Variants in MBOAT7 observed in about 807,000 individuals in gnomAD.
MBOAT7 encodes the protein membrane-bound acylglycerophosphatidylinositol O-acyltransferase MBOAT7.
In MBOAT7, 40 loss-of-function variants were observed where a neutral mutation model predicts 47.4. That is an observed-to-expected ratio of 0.84 (90% CI 0.66 to 1.10). The LOEUF (loss-of-function observed/expected upper bound fraction) is 1.10. Among genes scored for constraint, MBOAT7 ranks in the 50% least tolerant of loss-of-function variants. The pLI, the probability that MBOAT7 is intolerant of heterozygous loss-of-function variation, is 0.00. For missense variants in MBOAT7, 680 were observed against 655.6 expected, an observed-to-expected ratio of 1.04 and a Z score of -0.41; for synonymous variants, 361 against 292.0, an observed-to-expected ratio of 1.24 and a Z score of -2.41.
At chr19:54,175,970 G>A (rs919004639) in intron 7 of MBOAT7, among the ~76,000 whole-genome samples, 5 of 152,058 alleles carry the variant, frequency 3.3e-5, no homozygotes, top group African/African-American at 7.2e-5. Context: ...TGATCCACCC[G>A]CCGTGGCCTA....
intron 7 of MBOAT7, among the ~76,000 whole-genome samples, chr19:54,175,762 C>T (rs1257274600): frequency 1.3e-5 from 2 of 152,076 alleles, no homozygotes; most frequent in African/African-American, 2.4e-5. Context: ...TCTCGCTCTG[C>T]CGCCCATGCT....
chr19:54,176,934 A>G (rs2076123013), intron 7 of MBOAT7, among the ~76,000 whole-genome samples: 1 of 151,826 alleles, frequency 6.6e-6, no homozygotes, highest in Admixed American at 6.6e-5. Context: ...ATACTTAAAA[A>G]ATTTTGGCCG....
chr19:54,184,589 G>A (rs2076379098), intron 4 of MBOAT7, among the ~76,000 whole-genome samples: 1 of 151,530 alleles, frequency 6.6e-6, no homozygotes, highest in South Asian at 2.1e-4. Flanking sequence ...CAAGGTGGGT[G>A]GCTCTACACA....
intron 5 of MBOAT7, among the ~76,000 whole-genome samples, chr19:54,182,932 C>T (rs921237094): frequency 6.6e-6 from 1 of 152,160 alleles, no homozygotes; most frequent in Non-Finnish European, 1.5e-5. Flanking sequence ...AACTCCTGAC[C>T]TCAGGTGATC....
chr19:54,185,728 C>T (rs548155679), intron 4 of MBOAT7, among the ~76,000 whole-genome samples: 2 of 152,150 alleles, frequency 1.3e-5, no homozygotes, highest in Middle Eastern at 3.4e-3. Flanking sequence ...GAATCTTGCC[C>T]GGGAAGGCCC....
rs1440077005 is a variant in MBOAT7 at position 54,188,465 on chromosome 19, G to C, written c.44C>G (p.Ser15Cys). 6.4e-7 allele frequency: 1 copy of C among 1,556,300 alleles called. No homozygotes were observed. Among genetic ancestry groups the C allele is most frequent in the Non-Finnish European group, 8.7e-7 (1 of 1,149,140 alleles). ...EWTYLVVLLI[S>C]IPIGFLFKKA... ...CTTAAAGAGGAAGCCGATGGGGATG[G>C]AGATAAGAAGAACCACTAGATACGT... is the stretch of plus-strand genomic sequence containing the variant. The change falls in exon 2 of 8, where the codon TCC becomes TGC. Residue 15 changes from serine (S) to cysteine (C), a missense_variant. Ser to Cys is a moderately radical substitution (Grantham distance 112). Coordinates refer to ENST00000245615, the MANE Select transcript of MBOAT7 (RefSeq NM_024298.5).
At chr19:54,183,748 G>A in intron 4 of MBOAT7, 68 bp from the exon 5 acceptor site, 8 of 1,436,706 alleles carry the variant, frequency 5.6e-6, no homozygotes, top group South Asian at 1.6e-5. Flanking sequence ...CATCTCCCTT[G>A]CGCGGCTGCC....
At chr19:54,188,067 A>AAGAAAGAAAGAAAGAC (rs530819793) in intron 3 of MBOAT7, 150 bp downstream of exon 3, 1 of 230,036 alleles carries the variant, frequency 4.3e-6, no homozygotes, top group African/African-American at 3.7e-5. Flanking sequence ...GAAAGAAAGA[A>AAGAAAGAAAGAAAGAC]AGACAAACAA....
At chr19:54,175,133 G>A (rs542668040) in intron 7 of MBOAT7, among the ~76,000 whole-genome samples, 83 of 151,876 alleles carry the variant, frequency 5.5e-4, no homozygotes, top group Non-Finnish European at 9.3e-4. Flanking sequence ...CTGCCACCAC[G>A]CCCGGCTAAT....
chr19:54,184,250 C>T (rs2076370232), intron 4 of MBOAT7, among the ~76,000 whole-genome samples: 1 of 147,530 alleles, frequency 6.8e-6, no homozygotes, highest in Non-Finnish European at 1.5e-5. Flanking sequence ...GCAACCCCCA[C>T]CTCCTGGGGG....
At chr19:54,183,363 G>A (rs1010924223) in intron 5 of MBOAT7, among the ~76,000 whole-genome samples, 158 bp downstream of exon 5, 1 of 152,218 alleles carries the variant, frequency 6.6e-6, no homozygotes, top group African/African-American at 2.4e-5. Flanking sequence ...TGGTCCAGCG[G>A]AGGTGTGAGA....
chr19:54,188,891 G>A (rs1333054986), intron 1 of MBOAT7, among the ~76,000 whole-genome samples: 2 of 151,724 alleles, frequency 1.3e-5, no homozygotes, highest in Non-Finnish European at 2.9e-5. Flanking sequence ...ACCCAGAAAC[G>A]GCACCCCTCC....
In MBOAT7 at chr19:54,186,513, T is replaced by C. The variant is rs559359546; in HGVS notation, c.333+648A>G. On this transcript the variant is annotated intron_variant, in intron 4 of 7. Coordinates refer to ENST00000245615, the MANE Select transcript of MBOAT7 (RefSeq NM_024298.5). ...TCCCAGAAAGTGGATGTGGCTGGTG[T>C]AGCCTGTGGAACCCAGCCTGCTCCC... Among the ~76,000 whole-genome samples, 15 of 152,276 alleles carry C rather than the reference T, an allele frequency of 9.9e-5. 1 individual carries two copies. The South Asian group carries it at 2.1e-3, about 21-fold the overall frequency.
In MBOAT7 at chr19:54,174,217, G is replaced by A; in HGVS notation, c.1246C>T (p.Leu416=). 2 of 1,600,832 alleles carry A rather than the reference G, an allele frequency of 1.2e-6. No homozygotes were observed. The highest frequency in any genetic ancestry group is 1.7e-6 in the Non-Finnish European group (2 of 1,171,718). The change falls in exon 8 of 8, where the codon CTG becomes TTG. Residue 416 remains leucine, a synonymous_variant. Coordinates refer to ENST00000245615, the MANE Select transcript of MBOAT7 (RefSeq NM_024298.5). ...CGAAGGGTGTCGGCCAAGGAGAGCA[G>A]CACGAAGCCCATGCACATGTAGTCA... is the stretch of plus-strand genomic sequence containing the variant. ...AYDYMCMGFV[L]LSLADTLRYW...
intron 7 of MBOAT7, chr19:54,178,139 T>G: frequency 4.4e-6 from 3 of 676,902 alleles, no homozygotes; most frequent in Non-Finnish European, 5.5e-6. Flanking sequence ...CTCGAACTCC[T>G]GACCTCATGA....
intron 7 of MBOAT7, among the ~76,000 whole-genome samples, chr19:54,177,704 G>C (rs566399592): frequency 6.6e-6 from 1 of 152,076 alleles, no homozygotes; most frequent in African/African-American, 2.4e-5. Context: ...AGCCTCCCTA[G>C]TAGCTGGGAT....
intron 3 of MBOAT7, among the ~76,000 whole-genome samples, chr19:54,188,003 G>C (rs547982365): frequency 2.4e-5 from 3 of 124,910 alleles, no homozygotes; most frequent in Non-Finnish European, 4.8e-5. Flanking sequence ...CAACAGGAGC[G>C]AAACTCCATC....
chr19:54,174,536 G>T, intron 7 of MBOAT7, 105 bp from the exon 8 acceptor site: 1 of 1,216,672 alleles, frequency 8.2e-7, no homozygotes, highest in Non-Finnish European at 1.1e-6. Context: ...CTCAGACCGA[G>T]AAGTGCAGGC....
intron 5 of MBOAT7, 145 bp from the exon 6 acceptor site, chr19:54,181,278 A>G (rs1391385731): frequency 1.4e-5 from 13 of 942,286 alleles, no homozygotes; most frequent in Non-Finnish European, 2.0e-5. Flanking sequence ...CCCCAAGGGT[A>G]GGGACTGAGA....
Sources: allele counts gnomAD v4.1 joint callset (sites outside exome capture counted in the v4.1 genomes callset), GRCh38; gene constraint gnomAD v4.1.1; transcripts MANE v1.5; gene names NCBI Gene and HGNC (gene_info 2026-07-23, HGNC 2026-07-21).